Variants in LYPLAL1 observed in about 807,000 individuals in gnomAD.
LYPLAL1 encodes the protein lysophospholipase-like protein 1.
Under a neutral mutation model 19.7 loss-of-function variants are expected in LYPLAL1, and 23 were observed. The ratio of observed to expected loss-of-function variants is 1.17; its 90% CI spans 0.84 to 1.65. The LOEUF (loss-of-function observed/expected upper bound fraction) is 1.65, where lower values mean the gene tolerates loss of function less well. Ranked by LOEUF, LYPLAL1 falls within the 40% of genes most tolerant of loss-of-function variation. The pLI is 0.00. For missense variants in LYPLAL1, 355 were observed against 279.4 expected, an observed-to-expected ratio of 1.27 and a Z score of -1.93; for synonymous variants, 119 against 96.3, an observed-to-expected ratio of 1.24 and a Z score of -1.38.
the LYPLAL1 span, among the ~76,000 whole-genome samples, chr1:219,298,839 G>A: frequency 2.0e-5 from 3 of 152,092 alleles, no homozygotes; most frequent in Admixed American, 6.5e-5. Context: ...GGTCTAAGAC[G>A]GAAGGAATTT....
the LYPLAL1 span, among the ~76,000 whole-genome samples, chr1:219,440,211 G>A: frequency 6.6e-5 from 10 of 151,730 alleles, no homozygotes; most frequent in East Asian, 1.9e-4. Context: ...AATATGTAAC[G>A]TAGATTAGAT....
chr1:219,435,908 C>G, the LYPLAL1 span, among the ~76,000 whole-genome samples: 1 of 152,142 alleles, frequency 6.6e-6, no homozygotes, highest in Admixed American at 6.5e-5. Flanking sequence ...AATGTCTGTT[C>G]TCATACAGTT....
the LYPLAL1 span, among the ~76,000 whole-genome samples, chr1:219,345,258 C>A: frequency 6.6e-6 from 1 of 152,084 alleles, no homozygotes; most frequent in African/African-American, 2.4e-5. Context: ...GAATTAATAT[C>A]TTGTATTTTT....
the LYPLAL1 span, among the ~76,000 whole-genome samples, chr1:219,257,552 T>G: frequency 6.6e-6 from 1 of 152,026 alleles, no homozygotes; most frequent in Non-Finnish European, 1.5e-5. Flanking sequence ...GATGCCCACC[T>G]GAGCCGCAAA....
the LYPLAL1 span, among the ~76,000 whole-genome samples, chr1:219,358,481 A>G: frequency 3.9e-5 from 6 of 152,172 alleles, no homozygotes; most frequent in Non-Finnish European, 8.8e-5. Context: ...GAGACTGGGT[A>G]ATTTATAAAG....
At chr1:219,401,893 C>T in the LYPLAL1 span, among the ~76,000 whole-genome samples, 2 of 152,132 alleles carry the variant, frequency 1.3e-5, no homozygotes, top group African/African-American at 4.8e-5. Flanking sequence ...CCAGTGACCT[C>T]CATGTGTTTA....
At chr1:219,299,140 C>CTTT in the LYPLAL1 span, among the ~76,000 whole-genome samples, 24 of 129,472 alleles carry the variant, frequency 1.9e-4, no homozygotes, top group African/African-American at 3.8e-4. Context: ...CCTCCCCCAG[C>CTTT]TTTTTTTTTT....
the LYPLAL1 span, among the ~76,000 whole-genome samples, chr1:219,400,940 A>G: frequency 3.3e-5 from 5 of 152,336 alleles, no homozygotes; most frequent in East Asian, 5.8e-4. Flanking sequence ...CCCATATCCA[A>G]TAAAAAAGGG....
chr1:219,379,961 A>G, the LYPLAL1 span, among the ~76,000 whole-genome samples: 1 of 152,230 alleles, frequency 6.6e-6, no homozygotes, highest in Admixed American at 6.5e-5. Context: ...AGGAGGCCCA[A>G]AAGGCAGGAA....
At chr1:219,367,106 C>T in the LYPLAL1 span, among the ~76,000 whole-genome samples, 2 of 151,910 alleles carry the variant, frequency 1.3e-5, no homozygotes, top group Admixed American at 6.6e-5. Context: ...AACTTTGCCA[C>T]GAAATATCTC....
the LYPLAL1 span, among the ~76,000 whole-genome samples, chr1:219,317,956 G>A: frequency 6.6e-6 from 1 of 152,248 alleles, no homozygotes; most frequent in Admixed American, 6.5e-5. Context: ...TCACCAAGCG[G>A]CAGCAAGAAG....
chr1:219,223,697 T>C, the LYPLAL1 span, among the ~76,000 whole-genome samples: 13 of 152,182 alleles, frequency 8.5e-5, no homozygotes, highest in Non-Finnish European at 1.5e-4. Flanking sequence ...AAGAGACTTA[T>C]GTTTTTGCCA....
the LYPLAL1 span, among the ~76,000 whole-genome samples, chr1:219,217,883 A>C: frequency 6.6e-6 from 1 of 152,062 alleles, no homozygotes; most frequent in Non-Finnish European, 1.5e-5. Flanking sequence ...AAGAAAGCAT[A>C]AATCAGTATC....
At chr1:219,237,267 G>T in the LYPLAL1 span, among the ~76,000 whole-genome samples, 3 of 152,122 alleles carry the variant, frequency 2.0e-5, no homozygotes, top group Admixed American at 6.5e-5. Context: ...AAATTTCACT[G>T]TTTAAATATT....
chr1:219,417,839 G>A, the LYPLAL1 span, among the ~76,000 whole-genome samples: 1 of 152,218 alleles, frequency 6.6e-6, no homozygotes, highest in African/African-American at 2.4e-5. Context: ...ATCCCTCTGG[G>A]CCTTGCCCTG....
chr1:219,391,954 C>A, the LYPLAL1 span, among the ~76,000 whole-genome samples: 5 of 152,162 alleles, frequency 3.3e-5, no homozygotes, highest in Non-Finnish European at 7.3e-5. Flanking sequence ...CCCATTCAAG[C>A]CTCTACCTCC....
the LYPLAL1 span, among the ~76,000 whole-genome samples, chr1:219,319,541 G>C: frequency 6.6e-6 from 1 of 152,160 alleles, no homozygotes; most frequent in Admixed American, 6.5e-5. Flanking sequence ...AGAAATAGGA[G>C]GGAGCAAACC....
the LYPLAL1 span, among the ~76,000 whole-genome samples, chr1:219,407,668 C>T: frequency 1.3e-5 from 2 of 152,128 alleles, no homozygotes; most frequent in Non-Finnish European, 2.9e-5. Context: ...ATCTTTGGAG[C>T]TGACTTCATT....
the LYPLAL1 span, among the ~76,000 whole-genome samples, chr1:219,313,519 T>C: frequency 3.0e-5 from 3 of 101,592 alleles, no homozygotes; most frequent in Non-Finnish European, 6.0e-5. Flanking sequence ...GAGTTTTCTT[T>C]TTAAAAAAAC....
Sources: allele counts gnomAD v4.1 joint callset (sites outside exome capture counted in the v4.1 genomes callset), GRCh38; gene constraint gnomAD v4.1.1; transcripts MANE v1.5; gene names NCBI Gene and HGNC (gene_info 2026-07-23, HGNC 2026-07-21).